Variants in KAZN observed in about 807,000 individuals in gnomAD.
KAZN encodes kazrin.
A neutral mutation model predicts 87.4 loss-of-function variants in KAZN; 40 were observed. The ratio of observed to expected loss-of-function variants is 0.46; its 90% CI spans 0.36 to 0.60. KAZN has a LOEUF of 0.60. Ranked by LOEUF, KAZN falls within the 20% of genes least tolerant of loss-of-function variation. The pLI, the probability that KAZN is intolerant of heterozygous loss-of-function variation, is 0.00. For synonymous variants in KAZN, 466 were observed against 458.3 expected (o/e 1.02, Z -0.22); for missense variants, 898 against 1,073.9 (o/e 0.84, Z 2.29).
At chr1:14,921,132 C>T (rs1367592171) in intron 1 of KAZN, among the ~76,000 whole-genome samples, 1 of 149,164 alleles carries the variant, frequency 6.7e-6, no homozygotes, top group African/African-American at 2.5e-5. Flanking sequence ...CTGCCATCTG[C>T]AGTCCTGGGC....
chr1:14,693,609 C>T (rs1259261921), intron 1 of KAZN, among the ~76,000 whole-genome samples: 1 of 152,204 alleles, frequency 6.6e-6, no homozygotes, highest in Non-Finnish European at 1.5e-5. Flanking sequence ...CTTGACCTTC[C>T]CTCTTCTTCC....
At chr1:14,753,090 G>A (rs1044947783) in intron 1 of KAZN, among the ~76,000 whole-genome samples, 1 of 152,206 alleles carries the variant, frequency 6.6e-6, no homozygotes, top group African/African-American at 2.4e-5. Context: ...GCAAATCGTG[G>A]TTGAGGTCAA....
chr1:14,164,885 C>T (rs2185398), intron 1 of KAZN, among the ~76,000 whole-genome samples: 17,416 of 152,116 alleles, frequency 0.11, 1,112 homozygotes, highest in East Asian at 0.33. Context: ...AATGATTTCA[C>T]CTCTGAGCAT....
rs547854485 is a variant in KAZN at position 14,666,174 on chromosome 1, C to T, written c.226+66951C>T. ...TGGCCCCCTTTCCCTGCCGTCTCAG[C>T]GAGGATCTGTGTATCTACCAGAGAA... On this transcript the variant is annotated intron_variant, in intron 1 of 14. Coordinates refer to ENST00000376030, the MANE Select transcript of KAZN (RefSeq NM_201628.3). Among the ~76,000 whole-genome samples, 75 of 151,894 alleles carry T rather than the reference C, an allele frequency of 4.9e-4. 2 individuals are homozygous for T. The South Asian group carries it at 0.015, about 30-fold the overall frequency.
chr1:14,569,278 T>C (rs1292515388), intron 2 of KAZN, among the ~76,000 whole-genome samples: 1 of 150,432 alleles, frequency 6.6e-6, no homozygotes, highest in Non-Finnish European at 1.5e-5. Context: ...CCAAACTTAC[T>C]TAACCACAAA....
At position 14,796,426 on chromosome 1, in the gene KAZN, A is replaced by T. The variant is rs188604362; in HGVS notation, c.227-164258A>T. On this transcript the variant is annotated intron_variant, in intron 1 of 14. Coordinates refer to ENST00000376030, the MANE Select transcript of KAZN (RefSeq NM_201628.3). ...CACATCTCCACCACCCCGCCTTCAC[A>T]TGAGCTCCATGGCTCCACAGACCTT... 3.8e-3 allele frequency among the ~76,000 whole-genome samples: 585 copies of T among 152,282 alleles called. 4 individuals carry two copies. Among genetic ancestry groups the T allele is most frequent in the Non-Finnish European group, 5.2e-3 (356 of 68,002 alleles).
intron 2 of KAZN, among the ~76,000 whole-genome samples, chr1:14,256,035 T>G (rs766485907): frequency 3.3e-5 from 5 of 152,228 alleles, no homozygotes; most frequent in Non-Finnish European, 7.3e-5. Context: ...CTCTCCCTCC[T>G]AAGTGTCTGC....
chr1:14,278,488 C>T (rs1322703813), intron 2 of KAZN, among the ~76,000 whole-genome samples: 1 of 151,904 alleles, frequency 6.6e-6, no homozygotes, highest in South Asian at 2.1e-4. Flanking sequence ...CGGGGTTTTA[C>T]GACGTTGGCC....
chr1:13,996,795 C>T (rs1356333126), intron 1 of KAZN, among the ~76,000 whole-genome samples: 1 of 152,218 alleles, frequency 6.6e-6, no homozygotes, highest in East Asian at 1.9e-4. Context: ...GGAATCTGGG[C>T]AGCCCGGATG....
intron 1 of KAZN, among the ~76,000 whole-genome samples, chr1:14,871,166 C>T (rs1652084996): frequency 6.6e-6 from 1 of 152,184 alleles, no homozygotes; most frequent in South Asian, 2.1e-4. Context: ...ACCTATGTGC[C>T]CTCTTTAGTC....
chr1:14,024,792 A>G (rs1454106807), intron 1 of KAZN, among the ~76,000 whole-genome samples: 4 of 152,206 alleles, frequency 2.6e-5, no homozygotes, highest in Admixed American at 6.5e-5. Context: ...CTTGGCTTGC[A>G]TATTAGAATA....
At chr1:14,376,849 G>C (rs1218607262) in intron 2 of KAZN, among the ~76,000 whole-genome samples, 1 of 152,132 alleles carries the variant, frequency 6.6e-6, no homozygotes, top group Non-Finnish European at 1.5e-5. Context: ...ATTGCATCAA[G>C]GCAGCAACAA....
At chr1:14,581,554 G>T (rs1032446205) in intron 2 of KAZN, among the ~76,000 whole-genome samples, 2 of 152,068 alleles carry the variant, frequency 1.3e-5, no homozygotes, top group South Asian at 4.1e-4. Flanking sequence ...AAATCATCTC[G>T]TGTCGTTCCT....
intron 3 of KAZN, among the ~76,000 whole-genome samples, chr1:15,035,102 A>C (rs1672126851): frequency 6.6e-6 from 1 of 151,642 alleles, no homozygotes; most frequent in East Asian, 1.9e-4. Context: ...GCGTGGACTC[A>C]GGAGTCCGGG....
At chr1:14,970,957 G>A (rs566594942) in intron 2 of KAZN, among the ~76,000 whole-genome samples, 1 of 152,098 alleles carries the variant, frequency 6.6e-6, no homozygotes, top group Non-Finnish European at 1.5e-5. Flanking sequence ...AATCATTTCG[G>A]CTAGCATGTA....
chr1:15,100,025 G>GCC (rs1215645727), intron 10 of KAZN, among the ~76,000 whole-genome samples: 1 of 152,166 alleles, frequency 6.6e-6, no homozygotes, highest in Non-Finnish European at 1.5e-5. Flanking sequence ...GTCTGTGACA[G>GCC]CCAGGCAGCG....
chr1:14,802,793 C>G (rs1398229256), intron 1 of KAZN, among the ~76,000 whole-genome samples: 1 of 152,148 alleles, frequency 6.6e-6, no homozygotes, highest in Non-Finnish European at 1.5e-5. Flanking sequence ...GGACAAGGAG[C>G]CTGTCACATC....
chr1:14,495,061 G>T (rs982010891), intron 2 of KAZN, among the ~76,000 whole-genome samples: 2 of 152,200 alleles, frequency 1.3e-5, no homozygotes, highest in African/African-American at 2.4e-5. Context: ...AGAGAATACA[G>T]CAAGGTTTCA....
chr1:14,381,210 A>T (rs2101048963), intron 2 of KAZN, among the ~76,000 whole-genome samples: 1 of 152,288 alleles, frequency 6.6e-6, no homozygotes, highest in African/African-American at 2.4e-5. Context: ...AAGGTATAAC[A>T]ATTTTACATA....
Sources: allele counts gnomAD v4.1 joint callset (sites outside exome capture counted in the v4.1 genomes callset), GRCh38; gene constraint gnomAD v4.1.1; transcripts MANE v1.5; gene names NCBI Gene and HGNC (gene_info 2026-07-23, HGNC 2026-07-21).